Variants in RAP1GAP2 observed in about 807,000 individuals in gnomAD.
The protein encoded by RAP1GAP2 is RAP1 GTPase activating protein 2, also known as rap1 GTPase-activating protein 2.
Under a neutral mutation model 95.0 loss-of-function variants are expected in RAP1GAP2, and 27 were observed. The ratio of observed to expected loss-of-function variants is 0.28; its 90% confidence interval spans 0.21 to 0.39. RAP1GAP2 has a LOEUF of 0.39. RAP1GAP2 is among the 10% of genes least tolerant of loss of function. The pLI is 1.00. For synonymous variants in RAP1GAP2, 373 were observed against 380.9 expected, an observed-to-expected ratio of 0.98 and a Z score of 0.24; for missense variants, 771 against 970.0, an observed-to-expected ratio of 0.79 and a Z score of 2.72.
At chr17:2,944,685 T>C (rs1436313860) in intron 3 of RAP1GAP2, among the ~76,000 whole-genome samples, 1 of 151,680 alleles carries the variant, frequency 6.6e-6, no homozygotes, top group Non-Finnish European at 1.5e-5. Context: ...AGGATTCTGA[T>C]AGAGATCGCG....
In RAP1GAP2 at chr17:3,032,430, G is replaced by T; in HGVS notation, c.*11G>T. The T allele has an allele frequency of 6.2e-7, 1 of 1,613,874 alleles. No individual in the cohort carries two copies. The highest frequency in any genetic ancestry group is 8.5e-7 in the Non-Finnish European group (1 of 1,179,770). On this transcript the variant is annotated 3_prime_UTR_variant, in exon 24 of 25. Coordinates refer to ENST00000254695, the MANE Select transcript of RAP1GAP2 (RefSeq NM_015085.5). Reference sequence around the variant, plus strand: ...AAACAGGGTCACTAATGTGAAAGTGGAGTCCTTCGCCTGTCCAAGGTGGGT... The same window carrying T: ...AAACAGGGTCACTAATGTGAAAGTGTAGTCCTTCGCCTGTCCAAGGTGGGT...
Position 3,035,683 on chromosome 17 carries a change from G to A in RAP1GAP2, c.*2322G>A, listed in dbSNP as rs80238533. 1,280 of 152,466 alleles carry A rather than the reference G, an allele frequency of 8.4e-3. 57 individuals carry two copies. The East Asian group carries it at 0.16, about 19-fold the overall frequency. The allele number at this position is 152,466 out of a possible 1,614,324, so 9.4% of individuals were successfully genotyped here. A position where few individuals can be genotyped will look rare whatever the true frequency, so the allele number is the denominator to read the frequency against. On this transcript the variant is annotated 3_prime_UTR_variant, in exon 25 of 25. Transcript: ENST00000254695. The surrounding 1 kb of genome is among the most constrained non-coding windows in gnomAD (Gnocchi z 4.3). ...TAGGAGCTCCATCCTGTGGCTTCCA[G>A]AGTGTGCACTTCCAGCCCACCCGGG... is the stretch of plus-strand genomic sequence containing the variant.
In RAP1GAP2 at chr17:2,910,370, C is replaced by T. The variant is rs570376988; in HGVS notation, c.165+5002C>T. Among the ~76,000 whole-genome samples the T allele has an allele frequency of 4.6e-5, 7 of 152,266 alleles. No individual in the cohort carries two copies. In the East Asian group the frequency reaches 1.4e-3, roughly 29 times the overall value. ...CCACATCCCTGTCCTAGGGTGAGGC[C>T]AGGCCTCTGCTTGGTTGACACATCC... On this transcript the variant is annotated intron_variant, in intron 3 of 24. Coordinates refer to ENST00000254695, the MANE Select transcript of RAP1GAP2 (RefSeq NM_015085.5).
At chr17:2,980,009 C>T (rs936465310) in intron 8 of RAP1GAP2, among the ~76,000 whole-genome samples, 3 of 151,766 alleles carry the variant, frequency 2.0e-5, no homozygotes, top group Admixed American at 6.6e-5. Flanking sequence ...GGTACAATCT[C>T]GACTCACTGC....
intron 3 of RAP1GAP2, among the ~76,000 whole-genome samples, chr17:2,917,193 G>A (rs947696477): frequency 1.3e-5 from 2 of 152,274 alleles, no homozygotes; most frequent in Non-Finnish European, 1.5e-5. Context: ...AGAAGTTGAA[G>A]CAATAGAGGG....
At chr17:2,959,174 C>G (rs929885924) in intron 4 of RAP1GAP2, among the ~76,000 whole-genome samples, 5 of 152,170 alleles carry the variant, frequency 3.3e-5, no homozygotes, top group African/African-American at 1.2e-4. Context: ...CTCAGATCCT[C>G]TCTTCCTTCT....
chr17:2,932,092 C>A (rs781635887), intron 3 of RAP1GAP2, among the ~76,000 whole-genome samples: 2 of 152,176 alleles, frequency 1.3e-5, no homozygotes, highest in African/African-American at 2.4e-5. Context: ...ATCCGTTGTC[C>A]CAGGTGGAGG....
chr17:3,018,026 G>T (rs1206006166), intron 17 of RAP1GAP2, 35 bp from the exon 18 acceptor site: 19 of 1,553,930 alleles, frequency 1.2e-5, no homozygotes, highest in Admixed American at 2.0e-5. Flanking sequence ...GAGAGCCCGG[G>T]TGCTGATTCT....
At chr17:2,844,706 A>G (rs1010791113) in intron 2 of RAP1GAP2, among the ~76,000 whole-genome samples, 2 of 152,106 alleles carry the variant, frequency 1.3e-5, no homozygotes, top group Non-Finnish European at 2.9e-5. Flanking sequence ...CAGAGTCCAG[A>G]AGGAAACTGT....
chr17:2,953,529 C>T (rs575171702), intron 3 of RAP1GAP2, among the ~76,000 whole-genome samples: 2 of 152,174 alleles, frequency 1.3e-5, no homozygotes, highest in South Asian at 2.1e-4. Context: ...ATATAATTTA[C>T]GTATCATAAA....
chr17:2,995,349 C>A lies in RAP1GAP2; in HGVS notation c.927C>A (p.Gly309=), dbSNP rs1163235848. Residue 309 remains glycine, a synonymous_variant, in exon 13 of 25, where the codon GGC becomes GGA. Transcript: ENST00000254695. ...GTTTTGTTGACAGTTTCCGAGGAGG[C>A]CTGGACGTGACCCACGGACAGACAG... ...TLQDFKGFRG[G]LDVTHGQTGV... is the part of the protein sequence containing the mutation. The A allele has an allele frequency of 6.2e-7, 1 of 1,613,540 alleles. No individual in the cohort carries two copies. The highest frequency in any genetic ancestry group is 8.5e-7 in the Non-Finnish European group (1 of 1,179,600).
intron 2 of RAP1GAP2, among the ~76,000 whole-genome samples, chr17:2,898,094 A>C (rs375903025): frequency 6.6e-6 from 1 of 151,540 alleles, no homozygotes; most frequent in African/African-American, 2.4e-5. Context: ...TAAATTTTTT[A>C]TGGAGATGGG....
chr17:2,952,408 G>A (rs905934592), intron 3 of RAP1GAP2, among the ~76,000 whole-genome samples: 3 of 152,164 alleles, frequency 2.0e-5, no homozygotes, highest in African/African-American at 7.2e-5. Flanking sequence ...ACAGTGCTGG[G>A]ACAAACATCC....
At chr17:2,930,379 C>T (rs1208514533) in intron 3 of RAP1GAP2, among the ~76,000 whole-genome samples, 1 of 152,234 alleles carries the variant, frequency 6.6e-6, no homozygotes, top group Non-Finnish European at 1.5e-5. Flanking sequence ...GGAACTGGGA[C>T]CCTGCCCTGC....
At chr17:2,931,505 C>T (rs1051882010) in intron 3 of RAP1GAP2, among the ~76,000 whole-genome samples, 8 of 152,192 alleles carry the variant, frequency 5.3e-5, no homozygotes, top group African/African-American at 1.9e-4. Flanking sequence ...GTTAGGGCCT[C>T]GTTTGCCCCA....
chr17:2,965,768 G>A lies in RAP1GAP2; in HGVS notation c.596+125G>A, dbSNP rs1407457718. The A allele has an allele frequency of 9.7e-6, 7 of 723,636 alleles. No individual in the cohort carries two copies. Among genetic ancestry groups the A allele is most frequent in the African/African-American group, 3.5e-5 (2 of 56,652 alleles). 44.8% of individuals were successfully genotyped at this position (723,636 alleles called of 1,614,324 possible). A position where few individuals can be genotyped will look rare whatever the true frequency, so the allele number is the denominator to read the frequency against. ...GTCTGGTCTGGGTGCACTGGCTGAC[G>A]GGGACAGGCCTGCTGGAATCCTGGG... On this transcript the variant is annotated intron_variant, in intron 8 of 24. Transcript: ENST00000254695. The surrounding 1 kb of genome is among the most constrained non-coding windows in gnomAD (Gnocchi z 4.7).
rs1468506110 is a variant in RAP1GAP2, at chr17:3,005,375, G to T, written c.1207G>T (p.Val403Phe). 6.2e-7 allele frequency: 1 copy of T among 1,613,866 alleles called. No individual in the cohort carries two copies. Among genetic ancestry groups the T allele is most frequent in the Admixed American group, 1.7e-5 (1 of 60,020 alleles). ...GTETPSYKVS[V>F]TAREDVPTFG... ...ATGACTCTGTTTCACTCAGGTCTCT[G>T]TCACTGCGCGGGAAGATGTGCCCAC... is the stretch of plus-strand genomic sequence containing the variant. Residue 403 changes from valine to phenylalanine, a missense_variant, in exon 15 of 25, where the codon GTC becomes TTC. Coordinates refer to ENST00000254695, the MANE Select transcript of RAP1GAP2 (RefSeq NM_015085.5). The surrounding 1 kb of genome is among the most constrained non-coding windows in gnomAD (Gnocchi z 5.2).
intron 24 of RAP1GAP2, 77 bp downstream of exon 24, chr17:3,032,526 G>A (rs1254066402): frequency 7.1e-7 from 1 of 1,418,362 alleles, no homozygotes; most frequent in Non-Finnish European, 9.9e-7. Flanking sequence ...TAGAGGCCTT[G>A]TAACCTCAGA....
In RAP1GAP2 at chr17:2,870,058, C is replaced by T. The variant is rs1405871540; in HGVS notation, c.81-35226C>T. 1.3e-5 allele frequency among the ~76,000 whole-genome samples: 2 copies of T among 151,856 alleles called. No individual in the cohort carries two copies. The highest frequency in any genetic ancestry group is 1.5e-5 in the Non-Finnish European group (1 of 68,012). On this transcript the variant is annotated intron_variant, in intron 2 of 24. Coordinates refer to ENST00000254695, the MANE Select transcript of RAP1GAP2 (RefSeq NM_015085.5). This position sits in a 1 kb window ranked among gnomAD's most constrained non-coding sequence, Gnocchi z 4.4. ...TCAGGGGTGGGAATCTGTATGGCCC[C>T]TGACCCCGGCATGGCCTCAGAACCT...
Sources: allele counts gnomAD v4.1 joint callset (sites outside exome capture counted in the v4.1 genomes callset), GRCh38; gene constraint gnomAD v4.1.1; non-coding constraint Gnocchi (gnomAD v3.1); transcripts MANE v1.5; gene names NCBI Gene and HGNC (gene_info 2026-07-23, HGNC 2026-07-21).